ARHGAP20: variants seen among roughly 807,000 people sequenced by gnomAD.
ARHGAP20 encodes Rho GTPase activating protein 20.
A neutral mutation model predicts 73.7 loss-of-function variants in ARHGAP20; 34 were observed. That is an observed-to-expected ratio of 0.46 (90% CI 0.35 to 0.61). The LOEUF is 0.61. Ranked by LOEUF, ARHGAP20 falls within the 20% of genes least tolerant of loss-of-function variation. ARHGAP20 has a pLI of 0.00. For synonymous variants in ARHGAP20, 523 were observed against 518.2 expected (o/e 1.01, Z -0.13); for missense variants, 1,314 against 1,420.9 (o/e 0.92, Z 1.21).
Position 110,625,724 on chromosome 11 carries a change from T to C in ARHGAP20, c.354-1413A>G, listed in dbSNP as rs1948730124. ...GAAACCACCATATCTCTTGACCTAA[T>C]TGTCAGGTTTAACACTAGCAGGGAC... On this transcript the variant is annotated intron_variant, in intron 3 of 14. Transcript: ENST00000683387. Among the ~76,000 whole-genome samples the C allele has an allele frequency of 1.3e-5, 2 of 152,140 alleles. 1 individual carries two copies. The highest frequency in any genetic ancestry group is 1.3e-4 in the Admixed American group (2 of 15,282).
intron 7 of ARHGAP20, 51 bp from the exon 8 acceptor site, chr11:110,609,101 T>G (rs908926900): frequency 1.3e-6 from 2 of 1,558,060 alleles, no homozygotes; most frequent in African/African-American, 1.4e-5. Flanking sequence ...CATTTGATAC[T>G]TGAATGAGGA....
Position 110,706,852 on chromosome 11 carries a change from T to C in ARHGAP20, c.105+5275A>G, listed in dbSNP as rs937135192. 2.6e-5 allele frequency among the ~76,000 whole-genome samples: 4 copies of C among 152,276 alleles called. No homozygotes were observed. In the South Asian group the frequency reaches 8.3e-4, roughly 32 times the overall value. On this transcript the variant is annotated intron_variant, in intron 1 of 14. Coordinates refer to ENST00000683387, the MANE Select transcript of ARHGAP20 (RefSeq NM_001384657.1). ...TGCCAACACAATCTCACGTATCTGATTTCATGCAATTCATTTTGTGAGTAA... is the reference window on the plus strand; with the variant it reads ...TGCCAACACAATCTCACGTATCTGACTTCATGCAATTCATTTTGTGAGTAA...
chr11:110,615,446 AT>A, intron 5 of ARHGAP20, 106 bp downstream of exon 5: 1 of 1,045,828 alleles, frequency 9.6e-7, no homozygotes. Context: ...CAAATGAACA[AT>A]TTCTACTAAG....
At chr11:110,633,306 G>C (rs1241647681) in intron 2 of ARHGAP20, among the ~76,000 whole-genome samples, 4 of 152,078 alleles carry the variant, frequency 2.6e-5, no homozygotes, top group African/African-American at 4.8e-5. Flanking sequence ...TCAATGGATT[G>C]CTTTGGTACC....
At chr11:110,710,807 C>G (rs752420366) in intron 1 of ARHGAP20, among the ~76,000 whole-genome samples, 7 of 152,206 alleles carry the variant, frequency 4.6e-5, no homozygotes, top group Non-Finnish European at 8.8e-5. Flanking sequence ...TTCAACTGAC[C>G]TCTAGCCAAC....
At chr11:110,608,361 A>T (rs910234277) in intron 8 of ARHGAP20, among the ~76,000 whole-genome samples, 17 of 152,188 alleles carry the variant, frequency 1.1e-4, no homozygotes, top group African/African-American at 3.9e-4. Flanking sequence ...TAATGACTTA[A>T]ATAAGGTAAA....
At chr11:110,606,851 G>T in intron 8 of ARHGAP20, 102 bp from the exon 9 acceptor site, 2 of 1,018,046 alleles carry the variant, frequency 2.0e-6, no homozygotes, top group Non-Finnish European at 2.7e-6. Flanking sequence ...TGGGACTTTT[G>T]GCATAAAGAA....
chr11:110,642,934 T>C (rs767373443), intron 2 of ARHGAP20, among the ~76,000 whole-genome samples: 4 of 151,840 alleles, frequency 2.6e-5, no homozygotes, highest in Non-Finnish European at 4.4e-5. Context: ...GGTTGGTAGG[T>C]TTTTTATTAC....
Position 110,579,519 on chromosome 11 carries a change from T to G in ARHGAP20, c.3427A>C (p.Ile1143Leu), listed in dbSNP as rs1947377873. The change falls in exon 15 of 15, where the codon ATA becomes CTA. Residue 1143 changes from isoleucine (I) to leucine (L), a missense_variant. Ile to Leu is a conservative substitution (Grantham distance 5). Transcript: ENST00000683387. Reference protein sequence around the residue: ...LKLCMKSHEEIEPGSQSSSGS... With the variant: ...LKLCMKSHEELEPGSQSSSGS... The stretch of plus-strand genomic sequence containing the variant: ...GAAGAGCTCTGACTACCAGGCTCTA[T>G]TTCCTCATGTGACTTCATGCACAGC... 1 of 1,614,156 alleles carries G rather than the reference T, an allele frequency of 6.2e-7. No homozygotes were observed. Among genetic ancestry groups the G allele is most frequent in the Non-Finnish European group, 8.5e-7 (1 of 1,180,032 alleles).
intron 2 of ARHGAP20, among the ~76,000 whole-genome samples, chr11:110,671,450 A>G (rs1364811630): frequency 1.3e-5 from 2 of 152,110 alleles, no homozygotes; most frequent in East Asian, 3.8e-4. Flanking sequence ...AATAAAGACA[A>G]TACGTCTGCT....
chr11:110,678,399 T>C (rs1949974509), intron 2 of ARHGAP20, among the ~76,000 whole-genome samples: 1 of 152,228 alleles, frequency 6.6e-6, no homozygotes, highest in Non-Finnish European at 1.5e-5. Context: ...TTTTGTTTTG[T>C]TTTAAAAAAG....
At chr11:110,581,422 G>A (rs1342487093) in intron 14 of ARHGAP20, among the ~76,000 whole-genome samples, 197 bp from the exon 15 acceptor site, 1 of 152,176 alleles carries the variant, frequency 6.6e-6, no homozygotes, top group Admixed American at 6.5e-5. Flanking sequence ...CTCAGTTCCT[G>A]ACGAATGGGC....
At chr11:110,622,300 T>C (rs1374457959) in intron 4 of ARHGAP20, among the ~76,000 whole-genome samples, 1 of 152,230 alleles carries the variant, frequency 6.6e-6, no homozygotes. Flanking sequence ...GACCTCACTC[T>C]GCCATATCAG....
intron 2 of ARHGAP20, among the ~76,000 whole-genome samples, chr11:110,674,378 G>A (rs1949889692): frequency 6.6e-6 from 1 of 152,140 alleles, no homozygotes; most frequent in East Asian, 1.9e-4. Flanking sequence ...TACAGGTTGA[G>A]CATCCCTGAT....
chr11:110,646,770 TA>T (rs2134998657), intron 2 of ARHGAP20, among the ~76,000 whole-genome samples: 1 of 152,226 alleles, frequency 6.6e-6, no homozygotes, highest in Non-Finnish European at 1.5e-5. Context: ...CATGAAGCAC[TA>T]TCTCCAGTAC....
chr11:110,577,832 G>A lies in ARHGAP20; in HGVS notation c.*1538C>T. On this transcript the variant is annotated 3_prime_UTR_variant, in exon 15 of 15. Transcript: ENST00000683387. ...CTGAAATAACTTCTTCTATCTTAGA[G>A]AAAATATTTTTTCCCCTATAACTGA... 1.0e-6 allele frequency: 1 copy of A among 985,648 alleles called. No individual in the cohort carries two copies. The allele number at this position is 985,648 out of a possible 1,614,324, so 61.1% of individuals were successfully genotyped here.
chr11:110,579,265 T>G lies in ARHGAP20; in HGVS notation c.*105A>C, dbSNP rs1166019055. The G allele has an allele frequency of 4.1e-6, 6 of 1,453,718 alleles. No individual in the cohort carries two copies. Among genetic ancestry groups the G allele is most frequent in the Non-Finnish European group, 9.1e-7 (1 of 1,103,490 alleles). The allele number at this position is 1,453,718 out of a possible 1,614,324, so 90.1% of individuals were successfully genotyped here. On this transcript the variant is annotated 3_prime_UTR_variant, in exon 15 of 15. Transcript: ENST00000683387. The stretch of plus-strand genomic sequence containing the variant: ...TCCTAAGTATTAGCAATGATAATCC[T>G]TATGCTACCTCTCCCAGGTATCTTA...
intron 8 of ARHGAP20, among the ~76,000 whole-genome samples, chr11:110,608,120 A>G (rs1429086578): frequency 6.6e-6 from 1 of 152,206 alleles, no homozygotes; most frequent in Non-Finnish European, 1.5e-5. Context: ...TGAATTACAC[A>G]GTTGTGACCT....
chr11:110,631,423 C>T (rs1948858313), intron 2 of ARHGAP20, among the ~76,000 whole-genome samples: 1 of 152,188 alleles, frequency 6.6e-6, no homozygotes, highest in African/African-American at 2.4e-5. Context: ...CAGGCTGAGA[C>T]CTGTCAGTTC....
Sources: allele counts gnomAD v4.1 joint callset (sites outside exome capture counted in the v4.1 genomes callset), GRCh38; gene constraint gnomAD v4.1.1; transcripts MANE v1.5; gene names NCBI Gene and HGNC (gene_info 2026-07-23, HGNC 2026-07-21).